Variants in IRAK3 observed in about 807,000 individuals in gnomAD.
IRAK3 encodes the protein interleukin-1 receptor-associated kinase 3.
Under a neutral mutation model 56.6 loss-of-function variants are expected in IRAK3, and 57 were observed. That is an observed-to-expected ratio of 1.01 (90% CI 0.81 to 1.26). The LOEUF (loss-of-function observed/expected upper bound fraction) is 1.26. Ranked by LOEUF, IRAK3 falls within the 50% of genes most tolerant of loss-of-function variation. The probability of loss-of-function intolerance (pLI) is 0.00; values close to 1 mark genes in which losing one functional copy is unlikely to be tolerated. For synonymous variants in IRAK3, 258 were observed against 255.7 expected, an observed-to-expected ratio of 1.01 and a Z score of -0.09; for missense variants, 703 against 719.0, an observed-to-expected ratio of 0.98 and a Z score of 0.25.
At chr12:66,219,166 T>C (rs2052707001) in intron 6 of IRAK3, among the ~76,000 whole-genome samples, 1 of 152,140 alleles carries the variant, frequency 6.6e-6, no homozygotes, top group South Asian at 2.1e-4. Flanking sequence ...AACATGAGAG[T>C]GCAGATATCT....
intron 8 of IRAK3, among the ~76,000 whole-genome samples, chr12:66,243,555 T>A (rs1422296911): frequency 6.6e-6 from 1 of 152,140 alleles, no homozygotes; most frequent in African/African-American, 2.4e-5. Flanking sequence ...TATCCATCTG[T>A]TCTCTTAGAA....
chr12:66,203,672 A>C (rs757931696), intron 1 of IRAK3, 39 bp from the exon 2 acceptor site: 2 of 1,568,268 alleles, frequency 1.3e-6, no homozygotes, highest in Non-Finnish European at 1.8e-6. Flanking sequence ...TGATAAAAGT[A>C]CAGTAAACAA....
At chr12:66,211,817 A>C (rs984637652) in intron 5 of IRAK3, among the ~76,000 whole-genome samples, 3 of 152,194 alleles carry the variant, frequency 2.0e-5, no homozygotes, top group African/African-American at 7.2e-5. Flanking sequence ...TATAGCATGA[A>C]AGACTTTTCT....
chr12:66,219,208 A>G (rs2052707300), intron 6 of IRAK3, among the ~76,000 whole-genome samples: 1 of 152,184 alleles, frequency 6.6e-6, no homozygotes, highest in Non-Finnish European at 1.5e-5. Context: ...TCTTTTACAT[A>G]CGTACCCTGA....
At chr12:66,217,097 C>G (rs1015593959) in intron 5 of IRAK3, 74 bp from the exon 6 acceptor site, 3 of 1,041,716 alleles carry the variant, frequency 2.9e-6, no homozygotes, top group Non-Finnish European at 4.6e-6. Flanking sequence ...TTTAGGGAGA[C>G]TATAGACCCT....
At chr12:66,223,428 G>A (rs1229514671) in intron 6 of IRAK3, among the ~76,000 whole-genome samples, 1 of 151,936 alleles carries the variant, frequency 6.6e-6, no homozygotes, top group South Asian at 2.1e-4. Context: ...GGGAGGCCGA[G>A]GCAGGCGGAT....
chr12:66,235,572 G>A (rs535537205), intron 8 of IRAK3, among the ~76,000 whole-genome samples: 435 of 151,998 alleles, frequency 2.9e-3, no homozygotes, highest in Non-Finnish European at 4.9e-3. Context: ...GGAGCTGGCG[G>A]CGTCGCCGAC....
rs1565812684 is a variant in IRAK3 at position 66,244,643 on chromosome 12, G to A, written c.1045G>A (p.Gly349Arg). Residue 349 changes from glycine (G) to arginine (R), a missense_variant, in exon 9 of 12, where the codon GGG becomes AGG. Physicochemically the swap from Gly to Arg is moderately radical, Grantham distance 125. Transcript: ENST00000261233. ...WYMPEEYIRQ[G>R]KLSIKTDVYS... ...CATGCCAGAAGAGTACATCAGACAG[G>A]GGAAACTTTCCATTAAAACAGATGT... is the stretch of plus-strand genomic sequence containing the variant. The A allele has an allele frequency of 6.2e-7, 1 of 1,614,012 alleles. No homozygotes were observed.
chr12:66,251,926 G>A lies in IRAK3; in HGVS notation c.*3755G>A, dbSNP rs996354680. On this transcript the variant is annotated 3_prime_UTR_variant, in exon 12 of 12. Transcript: ENST00000261233. Reference sequence around the variant, plus strand: ...ACCGAAGTAAATGCTGAAAGGGTGAGAAGAAGGAATAGATTACTATGCATT... The same window carrying A: ...ACCGAAGTAAATGCTGAAAGGGTGAAAAGAAGGAATAGATTACTATGCATT... The A allele has an allele frequency of 6.6e-6, 1 of 152,220 alleles. No individual in the cohort carries two copies. Among genetic ancestry groups the A allele is most frequent in the African/African-American group, 2.4e-5 (1 of 41,448 alleles). The allele number at this position is 152,220 out of a possible 1,614,324, so 9.4% of individuals were successfully genotyped here.
At chr12:66,243,619 G>A (rs1412723542) in intron 8 of IRAK3, among the ~76,000 whole-genome samples, 3 of 152,106 alleles carry the variant, frequency 2.0e-5, no homozygotes, top group Admixed American at 2.0e-4. Context: ...CCAAGTGCTG[G>A]GGAGGACACT....
At chr12:66,204,774 T>TTG (rs1397635139) in intron 2 of IRAK3, among the ~76,000 whole-genome samples, 1 of 100,702 alleles carries the variant, frequency 9.9e-6, no homozygotes, top group African/African-American at 5.3e-5. Flanking sequence ...GCATGAGCCC[T>TTG]TGCGCACACA....
At chr12:66,215,605 A>G (rs1426527568) in intron 5 of IRAK3, among the ~76,000 whole-genome samples, 2 of 152,222 alleles carry the variant, frequency 1.3e-5, no homozygotes, top group Non-Finnish European at 1.5e-5. Flanking sequence ...TGCAGCATAC[A>G]TACCCTTTTC....
chr12:66,193,277 T>C (rs928203259), intron 1 of IRAK3, among the ~76,000 whole-genome samples: 2 of 152,060 alleles, frequency 1.3e-5, no homozygotes, highest in African/African-American at 4.8e-5. Context: ...CCTCCTAAAG[T>C]GCTGGGATTA....
chr12:66,203,997 T>A, intron 2 of IRAK3, 104 bp downstream of exon 2: 1 of 1,052,922 alleles, frequency 9.5e-7, no homozygotes. Flanking sequence ...ATGCTCTGTG[T>A]CAGTGTTTCC....
chr12:66,198,749 CTT>C (rs377740348), intron 1 of IRAK3, among the ~76,000 whole-genome samples: 37 of 139,532 alleles, frequency 2.7e-4, no homozygotes, highest in African/African-American at 2.4e-4. Flanking sequence ...TTTCCTTCTC[CTT>C]TTTTTTTTTT....
chr12:66,222,055 A>C (rs2052739533), intron 6 of IRAK3, among the ~76,000 whole-genome samples: 1 of 151,924 alleles, frequency 6.6e-6, no homozygotes, highest in Admixed American at 6.6e-5. Flanking sequence ...AACAAACAAA[A>C]AATGTTCTGT....
At position 66,228,309 on chromosome 12, in the gene IRAK3, A is replaced by G. The variant is rs776700232; in HGVS notation, c.826A>G (p.Lys276Glu). 2 of 1,614,218 alleles carry G rather than the reference A, an allele frequency of 1.2e-6. No homozygotes were observed. Among genetic ancestry groups the G allele is most frequent in the South Asian group, 1.1e-5 (1 of 91,084 alleles). The stretch of plus-strand genomic sequence containing the variant: ...AATCGGTATATTAATAGGAATATCC[A>G]AAGCCATTCACTACCTGCACAACGT... ...IRIGILIGIS[K>E]AIHYLHNVQP... The change falls in exon 8 of 12, where the codon AAA (lysine) becomes GAA (glutamate). Residue 276 changes from lysine to glutamate, a missense_variant. Physicochemically the swap from Lys to Glu is moderately conservative, Grantham distance 56. Coordinates refer to ENST00000261233, the MANE Select transcript of IRAK3 (RefSeq NM_007199.3).
chr12:66,198,880 G>C (rs149565889), intron 1 of IRAK3, among the ~76,000 whole-genome samples: 4 of 151,008 alleles, frequency 2.6e-5, no homozygotes, highest in African/African-American at 9.7e-5. Context: ...CTCAGCTACC[G>C]AGTAGTTAGG....
At chr12:66,240,604 A>G (rs1159565810) in intron 8 of IRAK3, among the ~76,000 whole-genome samples, 1 of 151,722 alleles carries the variant, frequency 6.6e-6, no homozygotes, top group Non-Finnish European at 1.5e-5. Flanking sequence ...GGGGTGTCTC[A>G]GTGTTGCAAC....
Sources: gnomAD v4.1 joint callset for allele counts (sites outside exome capture counted in the v4.1 genomes callset) on GRCh38, gnomAD v4.1.1 for gene constraint, MANE v1.5 for transcripts, NCBI Gene and HGNC (gene_info 2026-07-23, HGNC 2026-07-21) for gene names.